The following GGA2 variants were observed in gnomAD, a reference collection of about 807,000 sequenced individuals.
GGA2 encodes the protein golgi associated, gamma adaptin ear containing, ARF binding protein 2.
In GGA2, 48 loss-of-function variants were observed where a neutral mutation model predicts 79.5. The observed-to-expected ratio is 0.60, with a 90% confidence interval of 0.48 to 0.77. The LOEUF (loss-of-function observed/expected upper bound fraction) is 0.77, where lower values mean the gene tolerates loss of function less well. Ranked by LOEUF, GGA2 falls within the 30% of genes least tolerant of loss-of-function variation. The pLI is 0.00. For synonymous variants in GGA2, 317 were observed against 302.0 expected (o/e 1.05, Z -0.51); for missense variants, 770 against 774.0 (o/e 0.99, Z 0.06).
At chr16:23,485,904 G>A in intron 8 of GGA2, 111 bp downstream of exon 8, 1 of 980,864 alleles carries the variant, frequency 1.0e-6, no homozygotes, top group Non-Finnish European at 1.6e-6. Context: ...GGAGGTGTCA[G>A]ATATGTTTAC....
chr16:23,492,775 G>A (rs951576907), intron 4 of GGA2, among the ~76,000 whole-genome samples: 1 of 152,252 alleles, frequency 6.6e-6, no homozygotes, highest in Non-Finnish European at 1.5e-5. Context: ...ATGCAGAAGT[G>A]CAGCAGCTTG....
intron 1 of GGA2, among the ~76,000 whole-genome samples, chr16:23,497,111 A>C (rs201728267): frequency 0.075 from 6 of 80 alleles, no homozygotes; most frequent in South Asian, 0.3. Flanking sequence ...CCTCAAAAAC[A>C]AAAAAAAAAA....
chr16:23,510,446 C>A lies in GGA2; in HGVS notation c.-35G>T. On this transcript the variant is annotated 5_prime_UTR_variant, in exon 1 of 17. Coordinates refer to ENST00000309859, the MANE Select transcript of GGA2 (RefSeq NM_015044.4). ...CCCGACGCTGCGGCCGCGGGCGCCA[C>A]TGCCTCTTCAGCCGCTGTAGCGTCC... The A allele has an allele frequency of 2.3e-6, 2 of 871,162 alleles. No homozygotes were observed. Among genetic ancestry groups the A allele is most frequent in the South Asian group, 3.2e-5 (1 of 31,288 alleles). 54.0% of individuals were successfully genotyped at this position (871,162 alleles called of 1,614,324 possible). A position where few individuals can be genotyped will look rare whatever the true frequency, so the allele number is the denominator to read the frequency against.
intron 2 of GGA2, among the ~76,000 whole-genome samples, chr16:23,518,522 T>C (rs895286461): frequency 6.6e-6 from 1 of 152,204 alleles, no homozygotes; most frequent in African/African-American, 2.4e-5. Context: ...CAACAACTTC[T>C]AATTTTAGTC....
chr16:23,510,260 C>A, intron 1 of GGA2, 61 bp downstream of exon 1: 2 of 1,111,584 alleles, frequency 1.8e-6, no homozygotes, highest in South Asian at 1.9e-5. Flanking sequence ...CCCCGGGAGG[C>A]GGGAAGCGAG....
chr16:23,480,026 G>C, intron 10 of GGA2, 139 bp from the exon 11 acceptor site: 1 of 745,156 alleles, frequency 1.3e-6, no homozygotes, highest in South Asian at 1.8e-5. Context: ...CTTCCACTCA[G>C]CTGAGTGTCC....
At chr16:23,520,385 G>A (rs1158948211) in intron 1 of GGA2, among the ~76,000 whole-genome samples, 1 of 152,016 alleles carries the variant, frequency 6.6e-6, no homozygotes, top group Non-Finnish European at 1.5e-5. Context: ...ATGTGAATAA[G>A]GGGCAGAATG....
Position 23,481,779 on chromosome 16 carries a change from A to T in GGA2, c.881-1009T>A, listed in dbSNP as rs543190174. On this transcript the variant is annotated intron_variant, in intron 9 of 16. Coordinates refer to ENST00000309859, the MANE Select transcript of GGA2 (RefSeq NM_015044.4). ...TGAGCAACAGAGTGAGACTGTCTCA[A>T]AAAAAAGGAAAAAGGATTGCAGAGG... is the stretch of plus-strand genomic sequence containing the variant. Among the ~76,000 whole-genome samples, 6 of 152,302 alleles carry T rather than the reference A, an allele frequency of 3.9e-5. No homozygotes were observed. The South Asian group carries it at 1.2e-3, about 32-fold the overall frequency.
At chr16:23,515,680 C>T (rs183627457) in intron 2 of GGA2, among the ~76,000 whole-genome samples, 1 of 152,008 alleles carries the variant, frequency 6.6e-6, no homozygotes, top group African/African-American at 2.4e-5. Flanking sequence ...GCTGAAATAC[C>T]AATCTTCTGT....
rs1393353074 is a variant in GGA2, at chr16:23,474,769, G to A, written c.1450+135C>T. 3 of 699,126 alleles carry A rather than the reference G, an allele frequency of 4.3e-6. No homozygotes were observed. The Admixed American group carries it at 6.9e-5, about 16-fold the overall frequency. 43.3% of individuals were successfully genotyped at this position (699,126 alleles called of 1,614,324 possible). ...ACCTGGCCACAACCTCTTACTTTCTGCCCTCATGCAAAATCTCTCCCATTT... is the reference window on the plus strand; with the variant it reads ...ACCTGGCCACAACCTCTTACTTTCTACCCTCATGCAAAATCTCTCCCATTT... On this transcript the variant is annotated intron_variant, in intron 14 of 16. Transcript: ENST00000309859.
chr16:23,477,394 T>C (rs751288694), intron 13 of GGA2, among the ~76,000 whole-genome samples: 1 of 152,208 alleles, frequency 6.6e-6, no homozygotes, highest in Admixed American at 6.5e-5. Context: ...CTGATGGTTT[T>C]ATAAGGGGAA....
rs1374920969 is a variant in GGA2, at chr16:23,474,981, C to G, written c.1373G>C (p.Gly458Ala). 1 of 1,611,232 alleles carries G rather than the reference C, an allele frequency of 6.2e-7. No individual in the cohort carries two copies. The highest frequency in any genetic ancestry group is 8.5e-7 in the Non-Finnish European group (1 of 1,177,590). The part of the protein sequence containing the change: ...KSSPGWSWEA[G>A]PLAPSPSSQN... ...TGAAGATGGGGAAGGAGCCAACGGG[C>G]CAGCCTCCCAGGACCAACCTGGAGA... Residue 458 changes from glycine to alanine, a missense_variant, in exon 14 of 17, where the codon GGC becomes GCC. Gly to Ala is a moderately conservative substitution (Grantham distance 60). Coordinates refer to ENST00000309859, the MANE Select transcript of GGA2 (RefSeq NM_015044.4).
At chr16:23,482,288 T>C (rs868432661) in intron 9 of GGA2, among the ~76,000 whole-genome samples, 3 of 152,016 alleles carry the variant, frequency 2.0e-5, no homozygotes, top group Middle Eastern at 3.4e-3. Context: ...GAAAAAGAAA[T>C]GTCTAGAATT....
At chr16:23,491,542 A>C (rs1182361729) in intron 5 of GGA2, 135 bp downstream of exon 5, 8 of 562,564 alleles carry the variant, frequency 1.4e-5, no homozygotes, top group African/African-American at 1.3e-4. Context: ...AAAAAAAAAA[A>C]AAAAAACTCT....
At chr16:23,519,694 G>A (rs1354814465) in intron 1 of GGA2, 4 of 335,146 alleles carry the variant, frequency 1.2e-5, no homozygotes, top group Non-Finnish European at 2.4e-5. Context: ...GTTAGAAACT[G>A]TGCCATCTCA....
At position 23,467,589 on chromosome 16, in the gene GGA2, G is replaced by A. The variant is rs968304516; in HGVS notation, c.*1C>T. ...AAATGAAGGGTCCATCTTGTGAAAA[G>A]TTAGGCTGCGCCCAAGACAGCCAGG... On this transcript the variant is annotated 3_prime_UTR_variant, in exon 17 of 17. Coordinates refer to ENST00000309859, the MANE Select transcript of GGA2 (RefSeq NM_015044.4). 1 of 1,479,394 alleles carries A rather than the reference G, an allele frequency of 6.8e-7. No homozygotes were observed. The highest frequency in any genetic ancestry group is 9.4e-7 in the Non-Finnish European group (1 of 1,058,412). The allele number at this position is 1,479,394 out of a possible 1,614,324, so 91.6% of individuals were successfully genotyped here.
At chr16:23,490,477 G>A (rs993269289) in intron 5 of GGA2, among the ~76,000 whole-genome samples, 2 of 152,230 alleles carry the variant, frequency 1.3e-5, no homozygotes, top group East Asian at 1.9e-4. Context: ...GCTCACGCCT[G>A]TAATTCCAGC....
chr16:23,482,772 C>T (rs1272229800), intron 9 of GGA2, 151 bp downstream of exon 9: 3 of 645,106 alleles, frequency 4.7e-6, no homozygotes. Flanking sequence ...GAAGTCAGTT[C>T]TGAGGCAACT....
intron 13 of GGA2, among the ~76,000 whole-genome samples, chr16:23,477,912 A>C (rs915867281): frequency 1.3e-5 from 2 of 152,108 alleles, no homozygotes; most frequent in African/African-American, 4.8e-5. Flanking sequence ...ACAAGGCATG[A>C]GCCACTGCAC....
Sources: allele counts gnomAD v4.1 joint callset (sites outside exome capture counted in the v4.1 genomes callset), GRCh38; gene constraint gnomAD v4.1.1; transcripts MANE v1.5; gene names NCBI Gene and HGNC (gene_info 2026-07-23, HGNC 2026-07-21).